INPP5A: variants seen among roughly 807,000 people sequenced by gnomAD.
INPP5A encodes inositol polyphosphate-5-phosphatase A.
Under a neutral mutation model 65.2 loss-of-function variants are expected in INPP5A, and 14 were observed. The ratio of observed to expected loss-of-function variants is 0.21; its 90% CI spans 0.14 to 0.34. The LOEUF (loss-of-function observed/expected upper bound fraction) is 0.34, where lower values mean the gene tolerates loss of function less well. Among genes scored for constraint, INPP5A ranks in the 10% least tolerant of loss-of-function variants. The pLI, the probability that INPP5A is intolerant of heterozygous loss-of-function variation, is 1.00. For missense variants in INPP5A, 431 were observed against 545.6 expected (o/e 0.79, Z 2.09); for synonymous variants, 207 against 208.3 (o/e 0.99, Z 0.05).
At chr10:132,639,598 A>G (rs2072401031) in intron 2 of INPP5A, among the ~76,000 whole-genome samples, 2 of 152,216 alleles carry the variant, frequency 1.3e-5, no homozygotes, top group South Asian at 4.1e-4. Context: ...CTGAGGTTCT[A>G]GAATCTGTAA....
intron 1 of INPP5A, among the ~76,000 whole-genome samples, chr10:132,586,861 G>A (rs754242727): frequency 4.0e-4 from 61 of 151,962 alleles, no homozygotes; most frequent in African/African-American, 9.2e-4. Context: ...TCTCTCCTGC[G>A]CGTCAGAAGG....
chr10:132,719,639 G>A (rs992785926), intron 8 of INPP5A, among the ~76,000 whole-genome samples: 1 of 146,234 alleles, frequency 6.8e-6, no homozygotes, highest in Admixed American at 6.8e-5. Context: ...TGTCTTGCGG[G>A]TTCTGTGGTA....
intron 8 of INPP5A, among the ~76,000 whole-genome samples, chr10:132,713,602 C>G (rs1845688774): frequency 6.6e-6 from 1 of 152,154 alleles, no homozygotes; most frequent in Admixed American, 6.5e-5. Context: ...CCCCTGACCT[C>G]CGTCTCCAGA....
intron 2 of INPP5A, among the ~76,000 whole-genome samples, chr10:132,624,393 G>A (rs553592166): frequency 5.3e-5 from 8 of 152,296 alleles, no homozygotes; most frequent in South Asian, 2.1e-4. Flanking sequence ...CGGCATGCCC[G>A]TGCTTCACAC....
At chr10:132,612,660 C>A (rs1346181981) in intron 2 of INPP5A, among the ~76,000 whole-genome samples, 3 of 152,182 alleles carry the variant, frequency 2.0e-5, no homozygotes, top group Admixed American at 6.5e-5. Context: ...GCTGGAGGGG[C>A]CCTTGCCCCT....
In INPP5A at chr10:132,697,946, G is replaced by T. The variant is rs371146027; in HGVS notation, c.474+27G>T. On this transcript the variant is annotated intron_variant, in intron 6 of 15. Transcript: ENST00000368594. The surrounding 1 kb of genome is among the most constrained non-coding windows in gnomAD (Gnocchi z 5.6). Reference sequence around the variant, plus strand: ...TACGTAGCGAGGCTTTCTCACTGACGTGTTTACTTCTCAGAGTGAGCCAGT... The same window carrying T: ...TACGTAGCGAGGCTTTCTCACTGACTTGTTTACTTCTCAGAGTGAGCCAGT... 35 of 1,467,858 alleles carry T rather than the reference G, an allele frequency of 2.4e-5. No homozygotes were observed. Among genetic ancestry groups the T allele is most frequent in the East Asian group, 4.5e-5 (2 of 44,104 alleles). 90.9% of individuals were successfully genotyped at this position (1,467,858 alleles called of 1,614,324 possible). A position where few individuals can be genotyped will look rare whatever the true frequency, so the allele number is the denominator to read the frequency against.
chr10:132,683,169 G>A (rs1461944313), intron 4 of INPP5A, among the ~76,000 whole-genome samples: 2 of 147,616 alleles, frequency 1.4e-5, no homozygotes, highest in African/African-American at 2.5e-5. Flanking sequence ...ATATACATAT[G>A]TATGCACGTT....
chr10:132,596,945 G>A (rs2485635), intron 1 of INPP5A, among the ~76,000 whole-genome samples: 34,188 of 130,520 alleles, frequency 0.26, 4,406 homozygotes, highest in East Asian at 0.47. Flanking sequence ...GCATGTGTGC[G>A]TGTGTGCACA....
intron 9 of INPP5A, among the ~76,000 whole-genome samples, chr10:132,738,316 C>G (rs1393342420): frequency 6.6e-6 from 1 of 152,266 alleles, no homozygotes; most frequent in Non-Finnish European, 1.5e-5. Flanking sequence ...ACACATCGCA[C>G]CCGGCTCCCT....
In INPP5A at chr10:132,574,247, C is replaced by T. The variant is rs1269026357; in HGVS notation, c.76-33668C>T. Among the ~76,000 whole-genome samples, 48 of 34,378 alleles carry T rather than the reference C, an allele frequency of 1.4e-3. 1 individual carries two copies. Among genetic ancestry groups the T allele is most frequent in the African/African-American group, 6.8e-3 (44 of 6,468 alleles). 22.6% of individuals were successfully genotyped at this position (34,378 alleles called of 152,430 possible). ...GGTTTTGTTGAGATGTTGGGGTGTG[C>T]GTGCCGTGGGAGGTTTTGTTGAGAT... On this transcript the variant is annotated intron_variant, in intron 1 of 15. Transcript: ENST00000368594.
In INPP5A at chr10:132,545,614, G is replaced by A. The variant is rs1415827178; in HGVS notation, c.75+7443G>A. Among the ~76,000 whole-genome samples, 1 of 152,254 alleles carries A rather than the reference G, an allele frequency of 6.6e-6. No individual in the cohort carries two copies. Among genetic ancestry groups the A allele is most frequent in the African/African-American group, 2.4e-5 (1 of 41,466 alleles). On this transcript the variant is annotated intron_variant, in intron 1 of 15. Transcript: ENST00000368594. This position sits in a 1 kb window ranked among gnomAD's most constrained non-coding sequence, Gnocchi z 4.6. The stretch of plus-strand genomic sequence containing the variant: ...GGGGGCCTTAGGGGAAGAGGGTGCG[G>A]AACAGGCAGGCTGTTCCCATGCGGA...
intron 1 of INPP5A, among the ~76,000 whole-genome samples, chr10:132,566,924 CAA>C (rs547015384): frequency 4.1e-4 from 63 of 152,310 alleles, no homozygotes; most frequent in African/African-American, 1.3e-3. Context: ...CTGGAAAACA[CAA>C]GAGAATCTAT....
intron 8 of INPP5A, among the ~76,000 whole-genome samples, chr10:132,720,584 C>G (rs1444065678): frequency 2.7e-5 from 4 of 149,148 alleles, no homozygotes; most frequent in Non-Finnish European, 5.9e-5. Context: ...TCGGTTCTGT[C>G]TGGGCACCTT....
intron 1 of INPP5A, among the ~76,000 whole-genome samples, chr10:132,580,868 C>T (rs900733784): frequency 6.6e-6 from 1 of 152,238 alleles, no homozygotes; most frequent in Non-Finnish European, 1.5e-5. Flanking sequence ...ATATCACTAG[C>T]TAGAGCTCAG....
chr10:132,595,087 T>G (rs774293711), intron 1 of INPP5A, among the ~76,000 whole-genome samples: 1 of 152,238 alleles, frequency 6.6e-6, no homozygotes, highest in African/African-American at 2.4e-5. Flanking sequence ...TTTTCTGTCT[T>G]TTTCCCTTTT....
intron 1 of INPP5A, among the ~76,000 whole-genome samples, chr10:132,574,685 G>A (rs1323918740): frequency 5.7e-5 from 8 of 141,280 alleles, no homozygotes; most frequent in Admixed American, 7.1e-5. Flanking sequence ...TTGTAGAGAT[G>A]GGGTCTCAGT....
chr10:132,745,199 G>C (rs1846347022), intron 9 of INPP5A, among the ~76,000 whole-genome samples: 1 of 152,182 alleles, frequency 6.6e-6, no homozygotes, highest in African/African-American at 2.4e-5. Flanking sequence ...CTGCCACAGA[G>C]GACGGGGTCC....
At position 132,661,254 on chromosome 10, in the gene INPP5A, C is replaced by T. The variant is rs141248170; in HGVS notation, c.306+10749C>T. On this transcript the variant is annotated intron_variant, in intron 4 of 15. Transcript: ENST00000368594. ...TACATTGAAAGTGATGAGGACAATA[C>T]CTCCTTCAGGAAGAAAAAGGCAAAA... is the stretch of plus-strand genomic sequence containing the variant. Among the ~76,000 whole-genome samples, 1,237 of 152,260 alleles carry T rather than the reference C, an allele frequency of 8.1e-3. 15 individuals carry two copies. Among genetic ancestry groups the T allele is most frequent in the African/African-American group, 0.029 (1,185 of 41,532 alleles).
At chr10:132,767,917 G>A (rs57739842) in intron 12 of INPP5A, among the ~76,000 whole-genome samples, 166 of 85,210 alleles carry the variant, frequency 1.9e-3, no homozygotes, top group East Asian at 3.8e-3. Flanking sequence ...CCCAACCCTC[G>A]GCATTCCCAG....
Sources: gnomAD v4.1 joint callset for allele counts (sites outside exome capture counted in the v4.1 genomes callset) on GRCh38, gnomAD v4.1.1 for gene constraint, Gnocchi (gnomAD v3.1) non-coding constraint, MANE v1.5 for transcripts, NCBI Gene and HGNC (gene_info 2026-07-23, HGNC 2026-07-21) for gene names.